The following CHRM5 variants were observed in gnomAD, a reference collection of about 807,000 sequenced individuals.
The protein encoded by CHRM5 is cholinergic receptor muscarinic 5, also known as muscarinic acetylcholine receptor M5.
Under a neutral mutation model 39.0 loss-of-function variants are expected in CHRM5, and 18 were observed. The ratio of observed to expected loss-of-function variants is 0.46; its 90% CI spans 0.32 to 0.68. The LOEUF (loss-of-function observed/expected upper bound fraction) is 0.68, where lower values mean the gene tolerates loss of function less well. Ranked by LOEUF, CHRM5 falls within the 30% of genes least tolerant of loss-of-function variation. The pLI is 0.04. For missense variants in CHRM5, 515 were observed against 651.1 expected, an observed-to-expected ratio of 0.79 and a Z score of 2.28; for synonymous variants, 241 against 246.3, an observed-to-expected ratio of 0.98 and a Z score of 0.20.
intron 1 of CHRM5, among the ~76,000 whole-genome samples, chr15:33,992,389 CA>C: frequency 6.8e-6 from 1 of 147,614 alleles, no homozygotes; most frequent in African/African-American, 2.5e-5. Flanking sequence ...GACTCCGTCT[CA>C]AAAAAAAAGA....
chr15:34,058,936 G>A (rs896382544), intron 2 of CHRM5, among the ~76,000 whole-genome samples: 3 of 151,784 alleles, frequency 2.0e-5, no homozygotes, highest in African/African-American at 2.4e-5. Flanking sequence ...TCACTCTGTC[G>A]CCCAGGCTGG....
chr15:34,022,294 CA>C (rs1369817614), intron 1 of CHRM5, among the ~76,000 whole-genome samples: 9 of 152,184 alleles, frequency 5.9e-5, no homozygotes, highest in African/African-American at 2.2e-4. Flanking sequence ...GAACAATTAA[CA>C]AGACAATTTT....
chr15:34,058,555 A>AACACAC (rs3027963), intron 2 of CHRM5, among the ~76,000 whole-genome samples: 25,883 of 142,978 alleles, frequency 0.18, 2,428 homozygotes, highest in Non-Finnish European at 0.19. Context: ...CTTTAATTCT[A>AACACAC]ACACACACAC....
chr15:33,988,398 T>C (rs1400518780), intron 1 of CHRM5, among the ~76,000 whole-genome samples: 3 of 152,238 alleles, frequency 2.0e-5, no homozygotes, highest in Non-Finnish European at 4.4e-5. Flanking sequence ...TTGAACTTTA[T>C]TTCTAAGGCT....
In CHRM5 at chr15:34,039,074, G is replaced by A. The variant is rs1010053987; in HGVS notation, c.-407-7466G>A. 277 of 1,084,708 alleles carry A rather than the reference G, an allele frequency of 2.6e-4. 1 individual carries two copies. In the African/African-American group the frequency reaches 4.4e-3, roughly 17 times the overall value. 67.2% of individuals were successfully genotyped at this position (1,084,708 alleles called of 1,614,324 possible). A position where few individuals can be genotyped will look rare whatever the true frequency, so the allele number is the denominator to read the frequency against. On this transcript the variant is annotated intron_variant, in intron 1 of 2. Coordinates refer to ENST00000383263, the MANE Select transcript of CHRM5 (RefSeq NM_012125.4). ...GGCCGCCGCTGGCGGTGCTGAGCGC[G>A]CGGGAGCCGAGCTGCGGCGGAGACG... is the stretch of plus-strand genomic sequence containing the variant.
intron 1 of CHRM5, among the ~76,000 whole-genome samples, chr15:33,983,192 ATG>A (rs1215911798): frequency 0.22 from 14,898 of 67,808 alleles, 1,652 homozygotes; most frequent in African/African-American, 0.42. Context: ...ACGTGTGTGT[ATG>A]TGTGTGTATA....
intron 2 of CHRM5, among the ~76,000 whole-genome samples, chr15:34,050,355 C>A (rs1317233369): frequency 6.6e-6 from 1 of 152,130 alleles, no homozygotes; most frequent in Non-Finnish European, 1.5e-5. Flanking sequence ...ATATTAAGCA[C>A]TAAATATGGA....
At position 34,005,749 on chromosome 15, in the gene CHRM5, A is replaced by G. The variant is rs138574830; in HGVS notation, c.-408+36599A>G. On this transcript the variant is annotated intron_variant, in intron 1 of 2. Transcript: ENST00000383263. ...CCATTCACTTAACAAATTTAACACT[A>G]GTCAATAATCCTCACCTGAATCAAC... Among the ~76,000 whole-genome samples, 501 of 152,334 alleles carry G rather than the reference A, an allele frequency of 3.3e-3. 6 individuals are homozygous for G. The highest frequency in any genetic ancestry group is 0.011 in the African/African-American group (473 of 41,578).
chr15:33,986,092 AT>A (rs373045011), intron 1 of CHRM5, among the ~76,000 whole-genome samples: 140,840 of 150,900 alleles, frequency 0.93, 66,313 homozygotes, highest in Non-Finnish European at 1. Flanking sequence ...TTCACTGTAA[AT>A]TTTTTTTTTT....
intron 1 of CHRM5, among the ~76,000 whole-genome samples, chr15:34,038,391 G>A (rs993888682): frequency 6.6e-6 from 1 of 152,182 alleles, no homozygotes; most frequent in Non-Finnish European, 1.5e-5. Flanking sequence ...GGCTGCCGAG[G>A]GACCACGTCG....
At chr15:34,026,987 TG>T (rs1393310919) in intron 1 of CHRM5, among the ~76,000 whole-genome samples, 1 of 145,274 alleles carries the variant, frequency 6.9e-6, no homozygotes, top group Non-Finnish European at 1.5e-5. Flanking sequence ...AGAGTGGCAA[TG>T]GCTGCTTCAA....
chr15:34,029,205 T>C (rs1898645106), intron 1 of CHRM5, among the ~76,000 whole-genome samples: 3 of 152,142 alleles, frequency 2.0e-5, no homozygotes, highest in Admixed American at 1.3e-4. Flanking sequence ...CCACCGCCAC[T>C]GCCAACTCTA....
Position 34,063,595 on chromosome 15 carries a change from A to G in CHRM5, c.878A>G (p.Asn293Ser), listed in dbSNP as rs148495102. Residue 293 changes from asparagine to serine, a missense_variant, in exon 3 of 3, where the codon AAT becomes AGT. Coordinates refer to ENST00000383263, the MANE Select transcript of CHRM5 (RefSeq NM_012125.4). This position sits in a 1 kb window ranked among gnomAD's most constrained non-coding sequence, Gnocchi z 4.1. ...TCCCAAGCCACTGGCCCAAGCGCCA[A>G]TTGGGCCAAAGCTGAGCAGCTCACC... ...KPSQATGPSA[N>S]WAKAEQLTTC... The G allele has an allele frequency of 3.1e-4, 499 of 1,613,870 alleles. No individual in the cohort carries two copies. Among genetic ancestry groups the G allele is most frequent in the Non-Finnish European group, 3.6e-4 (427 of 1,180,024 alleles).
chr15:33,970,822 A>G (rs1895605253), intron 1 of CHRM5, among the ~76,000 whole-genome samples: 1 of 151,870 alleles, frequency 6.6e-6, no homozygotes, highest in Non-Finnish European at 1.5e-5. Flanking sequence ...ATATCCCACT[A>G]ATTTGGGGGC....
intron 1 of CHRM5, among the ~76,000 whole-genome samples, chr15:34,010,816 G>C (rs953324924): frequency 3.9e-5 from 6 of 152,140 alleles, no homozygotes; most frequent in Admixed American, 6.6e-5. Context: ...AATGTTTAAT[G>C]TTACTGAGCT....
chr15:33,981,530 A>G (rs970561070), intron 1 of CHRM5, among the ~76,000 whole-genome samples: 1 of 152,206 alleles, frequency 6.6e-6, no homozygotes, highest in Non-Finnish European at 1.5e-5. Context: ...TTTCCCAAAC[A>G]ATGAAATGGC....
chr15:34,038,406 C>T (rs1269882762), intron 1 of CHRM5, among the ~76,000 whole-genome samples: 3 of 152,216 alleles, frequency 2.0e-5, no homozygotes, highest in African/African-American at 7.2e-5. Context: ...ACGTCGTGGC[C>T]GCGCCTCCGT....
chr15:34,047,466 C>T (rs1329051704), intron 2 of CHRM5, among the ~76,000 whole-genome samples: 1 of 152,186 alleles, frequency 6.6e-6, no homozygotes, highest in African/African-American at 2.4e-5. Flanking sequence ...AGGGCTGAAA[C>T]CAGGGAGCCA....
intron 2 of CHRM5, among the ~76,000 whole-genome samples, chr15:34,061,209 T>C (rs1260314889): frequency 6.6e-6 from 1 of 152,124 alleles, no homozygotes; most frequent in African/African-American, 2.4e-5. Context: ...AGACCTAATT[T>C]CTACAATTTA....
Sources: gnomAD v4.1 joint callset for allele counts (sites outside exome capture counted in the v4.1 genomes callset) on GRCh38, gnomAD v4.1.1 for gene constraint, Gnocchi (gnomAD v3.1) non-coding constraint, MANE v1.5 for transcripts, NCBI Gene and HGNC (gene_info 2026-07-23, HGNC 2026-07-21) for gene names.